Variants in ATP10D observed in about 807,000 individuals in gnomAD.
ATP10D encodes phospholipid-transporting ATPase VD.
A neutral mutation model predicts 144.8 loss-of-function variants in ATP10D; 89 were observed. That is an observed-to-expected ratio of 0.61 (90% CI 0.52 to 0.73). ATP10D has a LOEUF of 0.73. Among genes scored for constraint, ATP10D ranks in the 30% least tolerant of loss-of-function variants. The probability of loss-of-function intolerance (pLI) is 0.00; values close to 1 mark genes in which losing one functional copy is unlikely to be tolerated. For synonymous variants in ATP10D, 571 were observed against 615.1 expected, an observed-to-expected ratio of 0.93 and a Z score of 1.06; for missense variants, 1,603 against 1,714.8, an observed-to-expected ratio of 0.93 and a Z score of 1.15.
At position 47,593,342 on chromosome 4, in the gene ATP10D, T is replaced by TA. The variant is rs1721125202; in HGVS notation, c.*1964dup. ...GTAAATTCTATGCCCTGAACAAATG[T>TA]AAAGCTATTTATGTACTTTGCTTAA... On this transcript the variant is annotated 3_prime_UTR_variant, in exon 23 of 23. Transcript: ENST00000273859. The TA allele has an allele frequency of 6.6e-6, 1 of 152,146 alleles. No homozygotes were observed. The highest frequency in any genetic ancestry group is 2.4e-5 in the African/African-American group (1 of 41,452). The allele number at this position is 152,146 out of a possible 1,614,324, so 9.4% of individuals were successfully genotyped here.
At chr4:47,563,061 A>G (rs780455494) in intron 14 of ATP10D, among the ~76,000 whole-genome samples, 9 of 152,128 alleles carry the variant, frequency 5.9e-5, no homozygotes, top group Non-Finnish European at 1.2e-4. Context: ...GACATTGGAG[A>G]CTCAGAAAAG....
At position 47,535,945 on chromosome 4, in the gene ATP10D, T is replaced by A. The variant is rs900203773; in HGVS notation, c.927T>A (p.Tyr309Ter). ...TGCTGAACAACAGTGGGCCACGGTATAAGCGCAGCAAATTAGAAAGAAGAG... is the reference window on the plus strand; with the variant it reads ...TGCTGAACAACAGTGGGCCACGGTAAAAGCGCAGCAAATTAGAAAGAAGAG... ...KAMLNNSGPRYKRSKLERRAN... is the reference protein window; with the variant it reads ...KAMLNNSGPR Residue 309 changes from tyrosine (Y) to a stop codon, truncating the protein, a stop_gained, in exon 7 of 23, where the codon TAT becomes TAA. Coordinates refer to ENST00000273859, the MANE Select transcript of ATP10D (RefSeq NM_020453.4). LOFTEE classifies it high-confidence loss of function. 1 of 1,613,024 alleles carries A rather than the reference T, an allele frequency of 6.2e-7. No homozygotes were observed. Among genetic ancestry groups the A allele is most frequent in the Non-Finnish European group, 8.5e-7 (1 of 1,179,190 alleles).
intron 9 of ATP10D, among the ~76,000 whole-genome samples, chr4:47,546,190 A>G (rs894062572): frequency 6.6e-6 from 1 of 152,200 alleles, no homozygotes; most frequent in African/African-American, 2.4e-5. Context: ...GACAACAGCA[A>G]TGTCAGTGGA....
intron 3 of ATP10D, 57 bp from the exon 4 acceptor site, chr4:47,522,955 T>G: frequency 7.3e-7 from 1 of 1,369,566 alleles, no homozygotes; most frequent in South Asian, 1.3e-5. Flanking sequence ...AAAAAAAACA[T>G]TGTATGTATT....
In ATP10D at chr4:47,546,595, A is replaced by T. The variant is rs749693489; in HGVS notation, c.1397-29A>T. On this transcript the variant is annotated intron_variant, in intron 9 of 22. Coordinates refer to ENST00000273859, the MANE Select transcript of ATP10D (RefSeq NM_020453.4). ...AACTTACAAGTGGCTCTTCTCAGACATTGACTCAGTGTGCTTTTTATCCCA... is the reference window on the plus strand; with the variant it reads ...AACTTACAAGTGGCTCTTCTCAGACTTTGACTCAGTGTGCTTTTTATCCCA... The T allele has an allele frequency of 4.4e-6, 7 of 1,596,674 alleles. No individual in the cohort carries two copies. In the South Asian group the frequency reaches 5.5e-5, roughly 13 times the overall value.
At chr4:47,545,345 T>C (rs1037081266) in intron 9 of ATP10D, among the ~76,000 whole-genome samples, 1 of 152,202 alleles carries the variant, frequency 6.6e-6, no homozygotes, top group Non-Finnish European at 1.5e-5. Flanking sequence ...TCTAAGTGAA[T>C]TGTAAAGCTA....
chr4:47,564,886 G>T (rs983988066), intron 15 of ATP10D, among the ~76,000 whole-genome samples: 18 of 152,288 alleles, frequency 1.2e-4, no homozygotes, highest in African/African-American at 4.3e-4. Flanking sequence ...TTGAAATCTT[G>T]TGGAGCTTTT....
intron 15 of ATP10D, among the ~76,000 whole-genome samples, chr4:47,567,149 G>T (rs1199134104): frequency 2.0e-5 from 3 of 152,190 alleles, no homozygotes; most frequent in Non-Finnish European, 4.4e-5. Context: ...CTCTATGCAT[G>T]TGACACTCAA....
In ATP10D at chr4:47,561,007, G is replaced by T. The variant is rs147675892; in HGVS notation, c.2600G>T (p.Ser867Ile). ...WLRNHFLAET[S>I]IDNREELLLE... is the part of the protein sequence containing the mutation. Reference sequence around the variant, plus strand: ...AGGAATCATTTTTTAGCTGAAACCAGCATTGACAACAGGGAAGAATTACTA... The same window carrying T: ...AGGAATCATTTTTTAGCTGAAACCATCATTGACAACAGGGAAGAATTACTA... The change falls in exon 14 of 23, where the codon AGC becomes ATC. Residue 867 changes from serine (S) to isoleucine (I), a missense_variant. Physicochemically the swap from Ser to Ile is moderately radical, Grantham distance 142. Coordinates refer to ENST00000273859, the MANE Select transcript of ATP10D (RefSeq NM_020453.4). 6.2e-7 allele frequency: 1 copy of T among 1,613,936 alleles called. No homozygotes were observed. The highest frequency in any genetic ancestry group is 8.5e-7 in the Non-Finnish European group (1 of 1,179,920).
chr4:47,554,977 T>C, intron 11 of ATP10D, 63 bp downstream of exon 11: 1 of 1,367,660 alleles, frequency 7.3e-7, no homozygotes, highest in Non-Finnish European at 1.0e-6. Flanking sequence ...GGTTTAAATG[T>C]ATCTGTACTG....
At chr4:47,502,437 T>C (rs1715743719) in intron 1 of ATP10D, among the ~76,000 whole-genome samples, 1 of 151,104 alleles carries the variant, frequency 6.6e-6, no homozygotes, top group Admixed American at 6.6e-5. Context: ...GCCACTGCAC[T>C]CCAGCCTGGG....
At chr4:47,524,762 A>G (rs2109412310) in intron 4 of ATP10D, among the ~76,000 whole-genome samples, 1 of 152,336 alleles carries the variant, frequency 6.6e-6, no homozygotes, top group Admixed American at 6.5e-5. Context: ...TGTGAAGAAG[A>G]AATTAGCTAA....
At chr4:47,497,694 A>G (rs535849034) in intron 1 of ATP10D, among the ~76,000 whole-genome samples, 2 of 152,356 alleles carry the variant, frequency 1.3e-5, no homozygotes, top group Admixed American at 1.3e-4. Flanking sequence ...AAATAATGAC[A>G]TAGTTTAGGA....
At chr4:47,497,815 C>T (rs989989514) in intron 1 of ATP10D, among the ~76,000 whole-genome samples, 3 of 152,142 alleles carry the variant, frequency 2.0e-5, no homozygotes, top group African/African-American at 7.2e-5. Context: ...TTGGGTAAGT[C>T]ATTCTTTCCA....
intron 9 of ATP10D, among the ~76,000 whole-genome samples, chr4:47,545,451 G>A (rs1403295543): frequency 2.0e-5 from 3 of 152,216 alleles, no homozygotes; most frequent in Non-Finnish European, 4.4e-5. Flanking sequence ...GAGGGGCAAG[G>A]AGACCAGTTA....
intron 19 of ATP10D, 85 bp from the exon 20 acceptor site, chr4:47,580,313 A>G (rs1720445802): frequency 9.1e-7 from 1 of 1,096,656 alleles, no homozygotes; most frequent in Non-Finnish European, 1.4e-6. Context: ...TCTCAGAGAA[A>G]CAAATGTAAG....
rs775725662 is a variant in ATP10D, at chr4:47,558,014, C to T, written c.2175C>T (p.Ala725=). The T allele has an allele frequency of 3.2e-5, 52 of 1,613,978 alleles. No individual in the cohort carries two copies. The highest frequency in any genetic ancestry group is 2.7e-4 in the East Asian group (12 of 44,888). The part of the protein sequence containing the change: ...QPLACNLCYE[A]ESPDEAALVY... ...TGGCCTGCAACCTGTGTTATGAGGCCGAGAGCCCAGACGAAGCGGCCTTAG... is the reference window on the plus strand; with the variant it reads ...TGGCCTGCAACCTGTGTTATGAGGCTGAGAGCCCAGACGAAGCGGCCTTAG... The change falls in exon 12 of 23, where the codon GCC becomes GCT. Residue 725 remains alanine, a synonymous_variant. Coordinates refer to ENST00000273859, the MANE Select transcript of ATP10D (RefSeq NM_020453.4).
chr4:47,557,474 G>A (rs2109447282), intron 11 of ATP10D, among the ~76,000 whole-genome samples, 190 bp from the exon 12 acceptor site: 1 of 152,060 alleles, frequency 6.6e-6, no homozygotes, highest in Non-Finnish European at 1.5e-5. Flanking sequence ...CAAATTATCT[G>A]AATAGTTATT....
At chr4:47,558,885 G>T (rs754391007) in intron 12 of ATP10D, 38 bp from the exon 13 acceptor site, 1 of 1,477,274 alleles carries the variant, frequency 6.8e-7, no homozygotes, top group South Asian at 1.2e-5. Flanking sequence ...TAATTTGGCA[G>T]ACTGGTAGGA....
Sources: gnomAD v4.1 joint callset for allele counts (sites outside exome capture counted in the v4.1 genomes callset) on GRCh38, gnomAD v4.1.1 for gene constraint, MANE v1.5 for transcripts, NCBI Gene and HGNC (gene_info 2026-07-23, HGNC 2026-07-21) for gene names.